Variants in AUTS2 observed in about 807,000 individuals in gnomAD.
AUTS2 encodes activator of transcription and developmental regulator AUTS2, also known as autism susceptibility gene 2 protein.
In AUTS2, 17 loss-of-function variants were observed where a neutral mutation model predicts 112.4. That is an observed-to-expected ratio of 0.15 (90% CI 0.10 to 0.23). The LOEUF (loss-of-function observed/expected upper bound fraction) is 0.23, where lower values mean the gene tolerates loss of function less well. Ranked by LOEUF, AUTS2 falls within the 10% of genes least tolerant of loss-of-function variation. The probability of loss-of-function intolerance (pLI) is 1.00; values close to 1 mark genes in which losing one functional copy is unlikely to be tolerated. For synonymous variants in AUTS2, 751 were observed against 702.7 expected, an observed-to-expected ratio of 1.07 and a Z score of -1.09; for missense variants, 1,510 against 1,701.6, an observed-to-expected ratio of 0.89 and a Z score of 1.98.
chr7:70,290,836 T>C (rs781331995), intron 4 of AUTS2: 3 of 199,034 alleles, frequency 1.5e-5, no homozygotes, highest in African/African-American at 2.3e-5. Context: ...ATATGTTCAA[T>C]GTATGGCTAT....
Position 70,744,753 on chromosome 7 carries a change from A to G in AUTS2, c.743-18117A>G, listed in dbSNP as rs375695851. On this transcript the variant is annotated intron_variant, in intron 6 of 18. Transcript: ENST00000342771. ...CTTTGTGTCTTTGTACAGTTGGAGG[A>G]CCTGACTGACACGTGAGCCCCCCTT... is the stretch of plus-strand genomic sequence containing the variant. Among the ~76,000 whole-genome samples, 41 of 152,128 alleles carry G rather than the reference A, an allele frequency of 2.7e-4. 1 individual carries two copies. In the South Asian group the frequency reaches 7.9e-3, roughly 29 times the overall value.
At chr7:69,777,269 A>G (rs918882288) in intron 1 of AUTS2, among the ~76,000 whole-genome samples, 4 of 151,568 alleles carry the variant, frequency 2.6e-5, no homozygotes, top group Admixed American at 6.6e-5. Context: ...ATCTCATCCC[A>G]TTTTCTGATT....
At chr7:70,676,483 G>T (rs1352028679) in intron 5 of AUTS2, among the ~76,000 whole-genome samples, 1 of 152,092 alleles carries the variant, frequency 6.6e-6, no homozygotes, top group Non-Finnish European at 1.5e-5. Context: ...GAGAGAGTGA[G>T]CCCAACCACA....
intron 1 of AUTS2, among the ~76,000 whole-genome samples, chr7:69,706,714 G>A (rs1296494731): frequency 1.3e-5 from 2 of 151,680 alleles, no homozygotes; most frequent in Non-Finnish European, 2.9e-5. Flanking sequence ...CTTTCTCTTT[G>A]TAATTATCAG....
At chr7:69,772,538 A>G (rs1788714126) in intron 1 of AUTS2, among the ~76,000 whole-genome samples, 1 of 152,170 alleles carries the variant, frequency 6.6e-6, no homozygotes. Flanking sequence ...GACTTAAGCC[A>G]TCCTCCCACT....
At chr7:70,370,255 T>C (rs1277739527) in intron 4 of AUTS2, among the ~76,000 whole-genome samples, 2 of 152,168 alleles carry the variant, frequency 1.3e-5, no homozygotes, top group Non-Finnish European at 2.9e-5. Context: ...TTCATCACCA[T>C]AATCAATTTT....
At chr7:70,211,774 C>T (rs1330958849) in intron 4 of AUTS2, among the ~76,000 whole-genome samples, 3 of 152,162 alleles carry the variant, frequency 2.0e-5, no homozygotes, top group East Asian at 3.9e-4. Flanking sequence ...ATCACGAGGT[C>T]AGGAGATCGA....
rs113411804 is a variant in AUTS2 at position 69,600,053 on chromosome 7, GCTGT to G, written c.309+122_309+125del. 22,706 of 1,250,440 alleles carry G rather than the reference GCTGT, an allele frequency of 0.018. 431 individuals are homozygous for G. The highest frequency in any genetic ancestry group is 0.072 in the African/African-American group (4,634 of 64,342). 77.5% of individuals were successfully genotyped at this position (1,250,440 alleles called of 1,614,324 possible). The stretch of plus-strand genomic sequence containing the variant: ...TCCTGCCTCCCTCGCCGCGCTCCGG[GCTGT>G]CTGTCTGTCTGTCTGTCTGTCTGTC... On this transcript the variant is annotated intron_variant, in intron 1 of 18. Transcript: ENST00000342771.
chr7:69,773,853 C>G (rs966024226), intron 1 of AUTS2, among the ~76,000 whole-genome samples: 1 of 152,250 alleles, frequency 6.6e-6, no homozygotes, highest in Admixed American at 6.5e-5. Context: ...GTCAGCTCTC[C>G]TCCCTGGTGG....
chr7:69,801,356 T>C (rs1031942205), intron 1 of AUTS2, among the ~76,000 whole-genome samples: 1 of 151,460 alleles, frequency 6.6e-6, no homozygotes. Context: ...ATGTGCCTGC[T>C]GATGGACCTA....
At chr7:70,786,849 T>G (rs1465631398) in intron 17 of AUTS2, 15 of 359,126 alleles carry the variant, frequency 4.2e-5, no homozygotes, top group Non-Finnish European at 7.4e-5. Flanking sequence ...AATTTAGAAT[T>G]GTTAATCCAA....
chr7:70,113,019 A>G (rs1052637625), intron 2 of AUTS2, among the ~76,000 whole-genome samples: 4 of 152,086 alleles, frequency 2.6e-5, no homozygotes, highest in African/African-American at 9.7e-5. Context: ...GGTTAGCTTC[A>G]AGATTATCAA....
chr7:70,688,062 G>C (rs1808559228), intron 5 of AUTS2, among the ~76,000 whole-genome samples: 1 of 152,192 alleles, frequency 6.6e-6, no homozygotes, highest in Non-Finnish European at 1.5e-5. Context: ...TGACTGCCAT[G>C]AGTAAGAGCA....
chr7:70,395,841 C>T (rs1267701063), intron 4 of AUTS2, among the ~76,000 whole-genome samples: 2 of 152,158 alleles, frequency 1.3e-5, no homozygotes, highest in Non-Finnish European at 1.5e-5. Flanking sequence ...TCAACCTCAG[C>T]TTTTCTATCT....
At chr7:70,741,964 C>A (rs1309127130) in intron 6 of AUTS2, among the ~76,000 whole-genome samples, 1 of 152,162 alleles carries the variant, frequency 6.6e-6, no homozygotes, top group African/African-American at 2.4e-5. Flanking sequence ...CTCCAGAATG[C>A]GGCTCAGTTT....
At chr7:69,648,144 C>G (rs1234367962) in intron 1 of AUTS2, among the ~76,000 whole-genome samples, 1 of 152,090 alleles carries the variant, frequency 6.6e-6, no homozygotes, top group Non-Finnish European at 1.5e-5. Context: ...TGAAAAGTGC[C>G]TAGGAGATTC....
At chr7:70,377,374 A>ATATG (rs1793156874) in intron 4 of AUTS2, among the ~76,000 whole-genome samples, 4 of 102,276 alleles carry the variant, frequency 3.9e-5, no homozygotes, top group African/African-American at 1.1e-4. Context: ...ATATATATAT[A>ATATG]GTGATATATA....
At chr7:70,193,248 T>A (rs1049926950) in intron 4 of AUTS2, among the ~76,000 whole-genome samples, 3 of 152,182 alleles carry the variant, frequency 2.0e-5, no homozygotes, top group Admixed American at 6.6e-5. Flanking sequence ...AGTGGCATTA[T>A]CTAAACGTAT....
At chr7:70,384,341 T>C (rs1793513152) in intron 4 of AUTS2, among the ~76,000 whole-genome samples, 1 of 152,220 alleles carries the variant, frequency 6.6e-6, no homozygotes, top group African/African-American at 2.4e-5. Flanking sequence ...GCAGGCCCAT[T>C]ATGCCAGCAT....
Sources: allele counts gnomAD v4.1 joint callset (sites outside exome capture counted in the v4.1 genomes callset), GRCh38; gene constraint gnomAD v4.1.1; transcripts MANE v1.5; gene names NCBI Gene and HGNC (gene_info 2026-07-23, HGNC 2026-07-21).